The following PTPRD variants were observed in gnomAD, a reference collection of about 807,000 sequenced individuals.
PTPRD encodes receptor-type tyrosine-protein phosphatase delta.
Under a neutral mutation model 214.5 loss-of-function variants are expected in PTPRD, and 34 were observed. That is an observed-to-expected ratio of 0.16 (90% confidence interval 0.12 to 0.21). PTPRD has a LOEUF of 0.21. Among genes scored for constraint, PTPRD ranks in the 10% least tolerant of loss-of-function variants. The probability of loss-of-function intolerance (pLI) is 1.00; values close to 1 mark genes in which losing one functional copy is unlikely to be tolerated. For missense variants in PTPRD, 2,545 were observed against 2,398.7 expected (o/e 1.06, Z -1.27); for synonymous variants, 1,128 against 845.7 (o/e 1.33, Z -5.79).
At chr9:9,849,058 T>C (rs940488208) in intron 5 of PTPRD, among the ~76,000 whole-genome samples, 3 of 151,744 alleles carry the variant, frequency 2.0e-5, no homozygotes, top group Admixed American at 6.6e-5. Context: ...CTTAAATACA[T>C]AGACACACCC....
chr9:9,257,401 AC>A (rs1311480722), intron 9 of PTPRD, among the ~76,000 whole-genome samples: 1 of 151,966 alleles, frequency 6.6e-6, no homozygotes, highest in Non-Finnish European at 1.5e-5. Context: ...CCATGTCCCA[AC>A]CCCAAGCTCT....
intron 14 of PTPRD, among the ~76,000 whole-genome samples, chr9:8,540,297 G>C (rs902578520): frequency 1.3e-5 from 2 of 151,904 alleles, no homozygotes; most frequent in Non-Finnish European, 2.9e-5. Flanking sequence ...TACTTTATTT[G>C]AGGCCCTCTT....
At chr9:10,357,689 A>G (rs910548411) in intron 2 of PTPRD, among the ~76,000 whole-genome samples, 2 of 152,208 alleles carry the variant, frequency 1.3e-5, no homozygotes, top group Non-Finnish European at 2.9e-5. Flanking sequence ...AATTAAAGAA[A>G]CAAAAGAATG....
At chr9:10,339,001 C>A (rs55885830) in intron 3 of PTPRD, among the ~76,000 whole-genome samples, 13,858 of 151,220 alleles carry the variant, frequency 0.092, 861 homozygotes, top group Non-Finnish European at 0.14. Context: ...TGAGCAAGAA[C>A]AAAGTAAATT....
intron 9 of PTPRD, among the ~76,000 whole-genome samples, chr9:9,185,638 G>C (rs1024603258): frequency 2.6e-5 from 4 of 152,050 alleles, no homozygotes; most frequent in Non-Finnish European, 4.4e-5. Context: ...ACATGCAACT[G>C]CCTTTTGATC....
intron 11 of PTPRD, among the ~76,000 whole-genome samples, chr9:8,848,443 C>G (rs2097749787): frequency 6.6e-6 from 1 of 150,562 alleles, no homozygotes; most frequent in African/African-American, 2.4e-5. Flanking sequence ...TTAAGTGATC[C>G]TCCCATCTCA....
intron 3 of PTPRD, among the ~76,000 whole-genome samples, chr9:10,290,365 A>G (rs2095492397): frequency 6.6e-6 from 1 of 152,092 alleles, no homozygotes; most frequent in African/African-American, 2.4e-5. Context: ...CAACGATCTA[A>G]AGGAGGCATT....
chr9:9,836,556 T>G (rs115433969), intron 5 of PTPRD, among the ~76,000 whole-genome samples: 4 of 152,102 alleles, frequency 2.6e-5, no homozygotes, highest in Non-Finnish European at 5.9e-5. Context: ...GTGACTGAAC[T>G]TAAAATTGTA....
intron 10 of PTPRD, among the ~76,000 whole-genome samples, chr9:9,177,897 T>C (rs1345670632): frequency 6.6e-6 from 1 of 152,156 alleles, no homozygotes; most frequent in East Asian, 1.9e-4. Context: ...CCTATGATGG[T>C]ATCCAGACAC....
chr9:9,496,264 T>A (rs531809712), intron 8 of PTPRD, among the ~76,000 whole-genome samples: 3 of 150,956 alleles, frequency 2.0e-5, no homozygotes, highest in Admixed American at 2.0e-4. Flanking sequence ...AAAAAAGGAG[T>A]AAAAAGGCAA....
chr9:9,313,309 C>G (rs1595623423), intron 9 of PTPRD, among the ~76,000 whole-genome samples: 1 of 151,962 alleles, frequency 6.6e-6, no homozygotes, highest in African/African-American at 2.4e-5. Context: ...CTCTGTTGGA[C>G]CAGTTAAGAG....
intron 2 of PTPRD, among the ~76,000 whole-genome samples, chr9:10,454,866 G>C (rs958405968): frequency 2.0e-5 from 3 of 151,302 alleles, no homozygotes; most frequent in Non-Finnish European, 4.4e-5. Flanking sequence ...AAAACTCTAA[G>C]AGTGGTCCTA....
At chr9:8,712,938 C>G in intron 12 of PTPRD, among the ~76,000 whole-genome samples, 1 of 152,146 alleles carries the variant, frequency 6.6e-6, no homozygotes, top group East Asian at 1.9e-4. Flanking sequence ...AGGCTGGTCT[C>G]AAACTCCTGA....
intron 4 of PTPRD, among the ~76,000 whole-genome samples, chr9:9,987,147 TCCAA>T (rs1312751348): frequency 2.6e-5 from 4 of 152,156 alleles, no homozygotes; most frequent in Non-Finnish European, 5.9e-5. Context: ...TTTTTTGAAC[TCCAA>T]CCAACAACCT....
intron 3 of PTPRD, among the ~76,000 whole-genome samples, chr9:10,221,989 G>T (rs1044127777): frequency 6.6e-6 from 1 of 151,544 alleles, no homozygotes; most frequent in Non-Finnish European, 1.5e-5. Flanking sequence ...GAACAAACTT[G>T]TTACTTATAT....
intron 2 of PTPRD, among the ~76,000 whole-genome samples, chr9:10,490,854 C>A (rs147972270): frequency 6.6e-6 from 1 of 151,980 alleles, no homozygotes; most frequent in East Asian, 1.9e-4. Flanking sequence ...TTTTGCTTTG[C>A]GCCTTTTAAA....
chr9:10,373,713 A>T (rs2097675114), intron 2 of PTPRD, among the ~76,000 whole-genome samples: 1 of 151,888 alleles, frequency 6.6e-6, no homozygotes, highest in Admixed American at 6.6e-5. Flanking sequence ...TGTTCTTCTT[A>T]CCTTTCTTGA....
At chr9:10,395,540 T>C (rs1182461567) in intron 2 of PTPRD, among the ~76,000 whole-genome samples, 4 of 151,938 alleles carry the variant, frequency 2.6e-5, no homozygotes, top group Non-Finnish European at 4.4e-5. Flanking sequence ...TGTCAGGTTT[T>C]AGGCAAAGCA....
intron 33 of PTPRD, among the ~76,000 whole-genome samples, chr9:8,457,544 G>A (rs1287191820): frequency 2.0e-5 from 3 of 151,932 alleles, no homozygotes; most frequent in African/African-American, 7.2e-5. Flanking sequence ...CCAGATCAAA[G>A]AGTATGCCAT....
Sources: gnomAD v4.1 joint callset for allele counts (sites outside exome capture counted in the v4.1 genomes callset) on GRCh38, gnomAD v4.1.1 for gene constraint, MANE v1.5 for transcripts, NCBI Gene and HGNC (gene_info 2026-07-23, HGNC 2026-07-21) for gene names.